The following BSPRY variants were observed in gnomAD, a reference collection of about 807,000 sequenced individuals.
BSPRY encodes the protein B-box and SPRY domain containing.
BSPRY carries 33 observed loss-of-function variants against 38.0 expected under a neutral mutation model. That is an observed-to-expected ratio of 0.87 (90% CI 0.66 to 1.16). The LOEUF (loss-of-function observed/expected upper bound fraction) is 1.16, where lower values mean the gene tolerates loss of function less well. Among genes scored for constraint, BSPRY ranks in the 50% most tolerant of loss-of-function variants. The probability of loss-of-function intolerance (pLI) is 0.00; values close to 1 mark genes in which losing one functional copy is unlikely to be tolerated. For missense variants in BSPRY, 523 were observed against 533.2 expected, an observed-to-expected ratio of 0.98 and a Z score of 0.19; for synonymous variants, 224 against 228.5, an observed-to-expected ratio of 0.98 and a Z score of 0.18.
rs1834313714 is a variant in BSPRY, at chr9:113,369,853, T to C, written c.920T>C (p.Leu307Pro). Residue 307 changes from leucine (L) to proline (P), a missense_variant, in exon 6 of 6, where the codon CTG becomes CCG. Leu to Pro is a moderately conservative substitution (Grantham distance 98). Transcript: ENST00000374183. Reference protein sequence around the residue: ...AYKVGVASGHLPRKGSGSDCR... With the variant: ...AYKVGVASGHPPRKGSGSDCR... ...AAGGTGGGCGTGGCTTCAGGCCACC[T>C]GCCCCGCAAGGGTTCTGGCAGTGAC... 24 of 1,614,148 alleles carry C rather than the reference T, an allele frequency of 1.5e-5. No homozygotes were observed. The highest frequency in any genetic ancestry group is 1.9e-5 in the Non-Finnish European group (23 of 1,180,044).
At chr9:113,362,297 T>TA (rs924837831) in intron 3 of BSPRY, 72 bp from the exon 4 acceptor site, 2 of 1,560,342 alleles carry the variant, frequency 1.3e-6, no homozygotes, top group African/African-American at 2.7e-5. Flanking sequence ...TTCTGGTAGT[T>TA]AAATCTGTCT....
intron 2 of BSPRY, among the ~76,000 whole-genome samples, chr9:113,359,060 A>G (rs1328654470): frequency 6.6e-6 from 1 of 150,782 alleles, no homozygotes; most frequent in East Asian, 1.9e-4. Context: ...AAAAAAAAAG[A>G]TAAAGAAGAG....
chr9:113,356,120 C>T (rs921767252), intron 2 of BSPRY, among the ~76,000 whole-genome samples: 3 of 151,944 alleles, frequency 2.0e-5, no homozygotes, highest in African/African-American at 7.3e-5. Flanking sequence ...ATGTTATGTC[C>T]GAAGGTGATA....
chr9:113,368,408 C>T (rs1285156077), intron 5 of BSPRY, 25 bp downstream of exon 5: 2 of 1,608,822 alleles, frequency 1.2e-6, no homozygotes, highest in Non-Finnish European at 1.7e-6. Context: ...AGCCCAGGAC[C>T]ATTAGGACAA....
chr9:113,370,934 C>T lies in BSPRY; in HGVS notation c.*792C>T, dbSNP rs1384592095. On this transcript the variant is annotated 3_prime_UTR_variant, in exon 6 of 6. Transcript: ENST00000374183. The surrounding 1 kb of genome is among the most constrained non-coding windows in gnomAD (Gnocchi z 4.8). ...GCTGCTCCTGGCCAGAGGACTCTGT[C>T]CCGGGGGACCGTGTCCTCCCCCATG... The T allele has an allele frequency of 1.3e-5, 2 of 152,234 alleles. No individual in the cohort carries two copies. The highest frequency in any genetic ancestry group is 2.9e-5 in the Non-Finnish European group (2 of 68,052). The allele number at this position is 152,234 out of a possible 1,614,324, so 9.4% of individuals were successfully genotyped here. A position where few individuals can be genotyped will look rare whatever the true frequency, so the allele number is the denominator to read the frequency against.
Position 113,370,406 on chromosome 9 carries a change from G to C in BSPRY, c.*264G>C. 3.4e-6 allele frequency: 1 copy of C among 298,074 alleles called. No individual in the cohort carries two copies. The highest frequency in any genetic ancestry group is 5.3e-5 in the East Asian group (1 of 18,992). The allele number at this position is 298,074 out of a possible 1,614,324, so 18.5% of individuals were successfully genotyped here. Reference sequence around the variant, plus strand: ...ATAAAATACACTAACGATAGCTGATGAGCTAAAAAAAAAAAAAAAGTCTGT... The same window carrying C: ...ATAAAATACACTAACGATAGCTGATCAGCTAAAAAAAAAAAAAAAGTCTGT... On this transcript the variant is annotated 3_prime_UTR_variant, in exon 6 of 6. Transcript: ENST00000374183. The surrounding 1 kb of genome is among the most constrained non-coding windows in gnomAD (Gnocchi z 4.8).
chr9:113,359,870 A>G (rs1292084076), intron 2 of BSPRY, among the ~76,000 whole-genome samples: 1 of 146,804 alleles, frequency 6.8e-6, no homozygotes, highest in Non-Finnish European at 1.5e-5. Flanking sequence ...CTCCATCTCT[A>G]TTAAAAAAAA....
chr9:113,357,877 T>G (rs1834084657), intron 2 of BSPRY, among the ~76,000 whole-genome samples: 1 of 115,420 alleles, frequency 8.7e-6, no homozygotes, highest in Non-Finnish European at 1.8e-5. Flanking sequence ...GTGCCTGGCC[T>G]GTAGAGTTCT....
At chr9:113,369,437 C>T (rs1307117890) in intron 5 of BSPRY, among the ~76,000 whole-genome samples, 179 bp from the exon 6 acceptor site, 2 of 152,284 alleles carry the variant, frequency 1.3e-5, no homozygotes, top group African/African-American at 4.8e-5. Context: ...GTTTAATTCT[C>T]GTGATCACCC....
intron 4 of BSPRY, 64 bp from the exon 5 acceptor site, chr9:113,368,195 A>T: frequency 6.3e-7 from 1 of 1,588,726 alleles, no homozygotes; most frequent in Non-Finnish European, 8.6e-7. Flanking sequence ...TCTTCACCCC[A>T]TATTGATCCA....
At chr9:113,363,602 T>G (rs1324441590) in intron 4 of BSPRY, among the ~76,000 whole-genome samples, 8 of 152,058 alleles carry the variant, frequency 5.3e-5, no homozygotes, top group Non-Finnish European at 1.0e-4. Context: ...AAATGTTTTT[T>G]AGGCCCGGTG....
intron 3 of BSPRY, among the ~76,000 whole-genome samples, 194 bp from the exon 4 acceptor site, chr9:113,362,175 G>T (rs1834164425): frequency 2.4e-5 from 1 of 40,938 alleles, no homozygotes; most frequent in Non-Finnish European, 4.8e-5. Context: ...TGTGTTATGG[G>T]TGTGTGTGTG....
chr9:113,365,113 A>G (rs1180516906), intron 4 of BSPRY, among the ~76,000 whole-genome samples: 1 of 152,206 alleles, frequency 6.6e-6, no homozygotes, highest in African/African-American at 2.4e-5. Context: ...CTGGGGGCAC[A>G]TGATGTCCCT....
intron 2 of BSPRY, among the ~76,000 whole-genome samples, chr9:113,358,499 C>T (rs1172569998): frequency 6.6e-6 from 1 of 151,892 alleles, no homozygotes. Context: ...AACTCCTGAC[C>T]TTGGGTGATC....
At position 113,370,364 on chromosome 9, in the gene BSPRY, G is replaced by T. The variant is rs1588071090; in HGVS notation, c.*222G>T. 2.5e-6 allele frequency: 1 copy of T among 400,816 alleles called. No individual in the cohort carries two copies. Among genetic ancestry groups the T allele is most frequent in the Non-Finnish European group, 4.3e-6 (1 of 233,052 alleles). 24.8% of individuals were successfully genotyped at this position (400,816 alleles called of 1,614,324 possible). On this transcript the variant is annotated 3_prime_UTR_variant, in exon 6 of 6. Coordinates refer to ENST00000374183, the MANE Select transcript of BSPRY (RefSeq NM_017688.3). The surrounding 1 kb of genome is among the most constrained non-coding windows in gnomAD (Gnocchi z 4.8). ...GCTTCCCTGGGCCACATTTGAAGAAGAATTTTCTTGGGCCACATAAAATAC... is the reference window on the plus strand; with the variant it reads ...GCTTCCCTGGGCCACATTTGAAGAATAATTTTCTTGGGCCACATAAAATAC...
intron 4 of BSPRY, among the ~76,000 whole-genome samples, chr9:113,365,802 CTTT>C (rs139762130): frequency 9.4e-6 from 1 of 106,738 alleles, no homozygotes; most frequent in African/African-American, 3.7e-5. Flanking sequence ...GTCACAGCTT[CTTT>C]TTTTTTTTTT....
At chr9:113,352,081 G>C (rs1315653830) in intron 1 of BSPRY, among the ~76,000 whole-genome samples, 1 of 152,166 alleles carries the variant, frequency 6.6e-6, no homozygotes, top group Admixed American at 6.5e-5. Flanking sequence ...AAAGTGTTGG[G>C]ATTACAGGTG....
In BSPRY at chr9:113,349,629, G is replaced by A. The variant is rs1588058410; in HGVS notation, c.50G>A (p.Gly17Glu). ...GGGCCGGGGTCCGGGTCCGGGCCCG[G>A]GCCGGGGCCACTCTGCCCCGAACAC... The part of the protein sequence containing the change: ...EPGPGSGSGP[G>E]PGPLCPEHGQ... The change falls in exon 1 of 6, where the codon GGG (glycine) becomes GAG (glutamate). Residue 17 changes from glycine (G) to glutamate (E), a missense_variant. Transcript: ENST00000374183. The A allele has an allele frequency of 2.5e-6, 3 of 1,210,666 alleles. No individual in the cohort carries two copies. Among genetic ancestry groups the A allele is most frequent in the South Asian group, 3.6e-5 (1 of 27,642 alleles). The allele number at this position is 1,210,666 out of a possible 1,614,324, so 75.0% of individuals were successfully genotyped here.
intron 2 of BSPRY, among the ~76,000 whole-genome samples, chr9:113,356,969 G>T (rs967182251): frequency 2.6e-5 from 4 of 152,120 alleles, no homozygotes; most frequent in African/African-American, 9.7e-5. Context: ...AGTTGGGAGA[G>T]GGCTGGGTTG....
Sources: gnomAD v4.1 joint callset for allele counts (sites outside exome capture counted in the v4.1 genomes callset) on GRCh38, gnomAD v4.1.1 for gene constraint, Gnocchi (gnomAD v3.1) non-coding constraint, MANE v1.5 for transcripts, NCBI Gene and HGNC (gene_info 2026-07-23, HGNC 2026-07-21) for gene names.